Variants in CCSER1 observed in about 807,000 individuals in gnomAD.
CCSER1 encodes the protein coiled-coil serine rich protein 1, also known as serine-rich coiled-coil domain-containing protein 1.
CCSER1 carries 41 observed loss-of-function variants against 82.0 expected under a neutral mutation model. The ratio of observed to expected loss-of-function variants is 0.50; its 90% CI spans 0.39 to 0.65. The LOEUF (loss-of-function observed/expected upper bound fraction) is 0.65. Among genes scored for constraint, CCSER1 ranks in the 30% least tolerant of loss-of-function variants. The probability of loss-of-function intolerance (pLI) is 0.00; values close to 1 mark genes in which losing one functional copy is unlikely to be tolerated. For missense variants in CCSER1, 1,119 were observed against 1,064.2 expected, an observed-to-expected ratio of 1.05 and a Z score of -0.72; for synonymous variants, 414 against 383.9, an observed-to-expected ratio of 1.08 and a Z score of -0.92.
At chr4:90,783,970 C>G (rs7698837) in intron 7 of CCSER1, among the ~76,000 whole-genome samples, 89,468 of 150,794 alleles carry the variant, frequency 0.59, 26,698 homozygotes, top group African/African-American at 0.68. Flanking sequence ...CTGCAACTTA[C>G]AAAAAAAAAG....
intron 8 of CCSER1, among the ~76,000 whole-genome samples, chr4:90,868,802 A>G (rs1766071865): frequency 6.6e-6 from 1 of 152,118 alleles, no homozygotes; most frequent in South Asian, 2.1e-4. Flanking sequence ...AAGTGGCTGT[A>G]CTAATTTACA....
At position 91,156,790 on chromosome 4, in the gene CCSER1, T is replaced by TCA. The variant is rs111903401; in HGVS notation, c.2217+70798_2217+70799dup. On this transcript the variant is annotated intron_variant, in intron 10 of 10. Coordinates refer to ENST00000509176, the MANE Select transcript of CCSER1 (RefSeq NM_001145065.2). ...TCCTTCTCTTGTCACAACAGTTTCTTCACTTATGCCCTAGATTTCATTTGC... is the reference window on the plus strand; with the variant it reads ...TCCTTCTCTTGTCACAACAGTTTCTTCACACTTATGCCCTAGATTTCATTTGC... Among the ~76,000 whole-genome samples, 747 of 151,990 alleles carry TCA rather than the reference T, an allele frequency of 4.9e-3. 11 individuals are homozygous for TCA. Among genetic ancestry groups the TCA allele is most frequent in the African/African-American group, 0.017 (712 of 41,552 alleles).
At chr4:90,257,605 G>A (rs1416889662) in intron 1 of CCSER1, among the ~76,000 whole-genome samples, 1 of 151,812 alleles carries the variant, frequency 6.6e-6, no homozygotes, top group Non-Finnish European at 1.5e-5. Context: ...AGATAAAGAA[G>A]GAGAGAGATT....
chr4:90,246,924 T>C (rs1405534161), intron 1 of CCSER1, among the ~76,000 whole-genome samples: 1 of 152,116 alleles, frequency 6.6e-6, no homozygotes, highest in African/African-American at 2.4e-5. Flanking sequence ...GGAAACACTT[T>C]GCGGCTTCTC....
At chr4:90,740,472 G>A (rs1405583559) in intron 7 of CCSER1, among the ~76,000 whole-genome samples, 1 of 152,072 alleles carries the variant, frequency 6.6e-6, no homozygotes, top group Non-Finnish European at 1.5e-5. Context: ...TAAAAGATAT[G>A]CAATATCTCT....
At chr4:91,274,039 T>C (rs1056367000) in intron 10 of CCSER1, among the ~76,000 whole-genome samples, 1 of 152,212 alleles carries the variant, frequency 6.6e-6, no homozygotes, top group African/African-American at 2.4e-5. Flanking sequence ...ATACATATTA[T>C]ACCAATAAGA....
chr4:90,256,642 G>A (rs11932592), intron 1 of CCSER1, among the ~76,000 whole-genome samples: 6,506 of 152,146 alleles, frequency 0.043, 356 homozygotes, highest in African/African-American at 0.13. Context: ...GAATCAGAAA[G>A]ATTCATTATA....
At chr4:91,521,393 C>G (rs1016462992) in intron 10 of CCSER1, among the ~76,000 whole-genome samples, 1 of 152,060 alleles carries the variant, frequency 6.6e-6, no homozygotes, top group African/African-American at 2.4e-5. Flanking sequence ...GAGTATATAC[C>G]CAGTAATGGG....
At chr4:90,989,395 G>A (rs115601207) in intron 9 of CCSER1, among the ~76,000 whole-genome samples, 5 of 151,742 alleles carry the variant, frequency 3.3e-5, no homozygotes, top group Non-Finnish European at 5.9e-5. Context: ...CACATCTGGG[G>A]TATACGTTTT....
chr4:90,840,057 A>T (rs1762385843), intron 8 of CCSER1, among the ~76,000 whole-genome samples: 1 of 152,026 alleles, frequency 6.6e-6, no homozygotes, highest in South Asian at 2.1e-4. Context: ...TCCATATAAC[A>T]TAGCATTTAT....
chr4:90,262,077 CTGAATTTTTATTT>C (rs1473781330), intron 1 of CCSER1, among the ~76,000 whole-genome samples: 1 of 150,118 alleles, frequency 6.7e-6, no homozygotes, highest in Non-Finnish European at 1.5e-5. Flanking sequence ...AATAAACCTT[CTGAATTTTTATTT>C]GCTATTTCAA....
intron 10 of CCSER1, among the ~76,000 whole-genome samples, chr4:91,297,370 T>G (rs1187068840): frequency 1.0e-5 from 1 of 97,784 alleles, no homozygotes; most frequent in Non-Finnish European, 2.1e-5. Flanking sequence ...GATGCTTGTG[T>G]GTGTGTGTGT....
chr4:91,004,786 A>C (rs1738356035), intron 9 of CCSER1, among the ~76,000 whole-genome samples: 1 of 152,170 alleles, frequency 6.6e-6, no homozygotes, highest in Admixed American at 6.5e-5. Context: ...ATAAATAAAA[A>C]TATTTTGTCT....
intron 10 of CCSER1, among the ~76,000 whole-genome samples, chr4:91,364,497 C>A (rs566408612): frequency 6.6e-6 from 1 of 151,986 alleles, no homozygotes; most frequent in Admixed American, 6.5e-5. Flanking sequence ...GAGAGATTTC[C>A]CATAATAAAT....
At chr4:91,256,846 CAG>C (rs1740728136) in intron 10 of CCSER1, among the ~76,000 whole-genome samples, 1 of 152,136 alleles carries the variant, frequency 6.6e-6, no homozygotes, top group Admixed American at 6.5e-5. Flanking sequence ...ATTCTTGAAA[CAG>C]AACCTCTTCT....
At chr4:91,157,654 A>C (rs1730946710) in intron 10 of CCSER1, among the ~76,000 whole-genome samples, 2 of 152,014 alleles carry the variant, frequency 1.3e-5, no homozygotes. Context: ...CAGCACTTAG[A>C]GTACCTGTTC....
At chr4:90,423,580 T>G (rs1006285480) in intron 4 of CCSER1, among the ~76,000 whole-genome samples, 6 of 152,042 alleles carry the variant, frequency 3.9e-5, no homozygotes, top group African/African-American at 1.4e-4. Flanking sequence ...GTTTAAGTGA[T>G]TCTTCTGCCT....
intron 10 of CCSER1, among the ~76,000 whole-genome samples, chr4:91,165,461 G>C (rs57623945): frequency 6.6e-6 from 1 of 152,166 alleles, no homozygotes; most frequent in Non-Finnish European, 1.5e-5. Flanking sequence ...GCTCTCTTCA[G>C]AACTGTCAGA....
At chr4:90,848,673 G>A (rs1024751069) in intron 8 of CCSER1, among the ~76,000 whole-genome samples, 12 of 152,004 alleles carry the variant, frequency 7.9e-5, no homozygotes, top group Non-Finnish European at 2.9e-5. Context: ...CCCATGATAT[G>A]GTTTGGCTTT....
Sources: gnomAD v4.1 joint callset for allele counts (sites outside exome capture counted in the v4.1 genomes callset) on GRCh38, gnomAD v4.1.1 for gene constraint, MANE v1.5 for transcripts, NCBI Gene and HGNC (gene_info 2026-07-23, HGNC 2026-07-21) for gene names.